Variants in ADAM23 observed in about 807,000 individuals in gnomAD.
ADAM23 encodes ADAM metallopeptidase domain 23, also known as disintegrin and metalloproteinase domain-containing protein 23.
In ADAM23, 33 loss-of-function variants were observed where a neutral mutation model predicts 120.1. That is an observed-to-expected ratio of 0.27 (90% CI 0.21 to 0.37). ADAM23 has a LOEUF of 0.37. ADAM23 is among the 10% of genes least tolerant of loss of function. ADAM23 has a pLI of 1.00. For synonymous variants in ADAM23, 367 were observed against 375.2 expected (o/e 0.98, Z 0.25); for missense variants, 862 against 1,058.2 (o/e 0.81, Z 2.57).
chr2:206,588,574 C>T (rs2105846139), intron 20 of ADAM23, among the ~76,000 whole-genome samples: 1 of 152,220 alleles, frequency 6.6e-6, no homozygotes, highest in Non-Finnish European at 1.5e-5. Flanking sequence ...TAAATTTTGT[C>T]ATTTACTGTC....
chr2:206,471,435 G>A (rs2105868999), intron 2 of ADAM23, among the ~76,000 whole-genome samples: 1 of 152,288 alleles, frequency 6.6e-6, no homozygotes, highest in Non-Finnish European at 1.5e-5. Flanking sequence ...AGAGTAGGCA[G>A]ACTAGGGAAG....
At chr2:206,454,391 TC>T (rs999779872) in intron 2 of ADAM23, among the ~76,000 whole-genome samples, 20 of 152,208 alleles carry the variant, frequency 1.3e-4, no homozygotes, top group African/African-American at 4.8e-4. Flanking sequence ...TCCAGTCACC[TC>T]CCACCAGGTC....
At chr2:206,608,801 A>C (rs1043587266) in intron 24 of ADAM23, among the ~76,000 whole-genome samples, 2 of 152,220 alleles carry the variant, frequency 1.3e-5, no homozygotes, top group African/African-American at 4.8e-5. Context: ...TTATGTACAC[A>C]GTTGAGGGCA....
Position 206,542,140 on chromosome 2 carries a change from T to C in ADAM23, c.656+6T>C. ...TCAACCTGCAATGGACTTCAGTAAG[T>C]GGGAATCTCATTGGCATTTTATTCA... On this transcript the variant is annotated splice_donor_region_variant and intron_variant, in intron 5 of 25. Transcript: ENST00000264377. The C allele has an allele frequency of 6.2e-7, 1 of 1,613,598 alleles. No homozygotes were observed. The highest frequency in any genetic ancestry group is 1.1e-5 in the South Asian group (1 of 91,078).
intron 18 of ADAM23, among the ~76,000 whole-genome samples, chr2:206,577,461 G>T (rs1272529238): frequency 5.2e-5 from 7 of 134,916 alleles, no homozygotes; most frequent in Non-Finnish European, 3.1e-5. Flanking sequence ...CCCTTCCTGT[G>T]TCCATGTGAT....
intron 23 of ADAM23, 103 bp downstream of exon 23, chr2:206,595,008 C>A: frequency 1.4e-6 from 2 of 1,455,568 alleles, no homozygotes; most frequent in Admixed American, 2.0e-5. Context: ...TGGTGAAACA[C>A]CATCTCTACT....
Position 206,543,302 on chromosome 2 carries a change from C to G in ADAM23, c.706C>G (p.Leu236Val). 6.2e-7 allele frequency: 1 copy of G among 1,613,968 alleles called. No individual in the cohort carries two copies. The highest frequency in any genetic ancestry group is 2.2e-5 in the East Asian group (1 of 44,868). The change falls in exon 6 of 26, where the codon CTG (leucine) becomes GTG (valine). Residue 236 changes from leucine to valine, a missense_variant. Transcript: ENST00000264377. ...TFVYMIEPLE[L>V]VHDEKSTGRP... The stretch of plus-strand genomic sequence containing the variant: ...CGTGTATATGATAGAGCCACTAGAG[C>G]TGGTTCATGATGAGGTGAGTCTATG...
At chr2:206,516,018 T>C (rs1208303137) in intron 3 of ADAM23, among the ~76,000 whole-genome samples, 3 of 151,974 alleles carry the variant, frequency 2.0e-5, no homozygotes, top group Non-Finnish European at 2.9e-5. Flanking sequence ...AATTATGAAA[T>C]GTACACATAA....
intron 18 of ADAM23, among the ~76,000 whole-genome samples, chr2:206,576,873 G>C (rs975309581): frequency 6.6e-6 from 1 of 152,128 alleles, no homozygotes; most frequent in Non-Finnish European, 1.5e-5. Flanking sequence ...GCAGAAATAG[G>C]AGAAATGTTT....
chr2:206,597,411 C>T (rs905937687), intron 24 of ADAM23, among the ~76,000 whole-genome samples: 9 of 152,084 alleles, frequency 5.9e-5, no homozygotes, highest in African/African-American at 2.2e-4. Context: ...AACTCATGAC[C>T]TCATAATCCA....
At chr2:206,591,892 C>G (rs1380267719) in intron 21 of ADAM23, among the ~76,000 whole-genome samples, 1 of 152,152 alleles carries the variant, frequency 6.6e-6, no homozygotes, top group Non-Finnish European at 1.5e-5. Context: ...TGCATTTCCC[C>G]AGATTACAAG....
chr2:206,515,958 C>G (rs1376398721), intron 3 of ADAM23, among the ~76,000 whole-genome samples: 1 of 151,920 alleles, frequency 6.6e-6, no homozygotes, highest in Non-Finnish European at 1.5e-5. Flanking sequence ...GGGCTCTTCT[C>G]TTTCTATTAT....
At chr2:206,588,303 T>G (rs574296497) in intron 20 of ADAM23, 149 bp downstream of exon 20, 2 of 877,620 alleles carry the variant, frequency 2.3e-6, no homozygotes, top group Non-Finnish European at 1.7e-6. Context: ...ACTGTGAATC[T>G]TAGTCACAAA....
intron 4 of ADAM23, among the ~76,000 whole-genome samples, chr2:206,541,122 C>T (rs1489661386): frequency 3.3e-5 from 5 of 151,200 alleles, no homozygotes; most frequent in African/African-American, 9.7e-5. Context: ...GCTGAGATCA[C>T]GCCATTGCAC....
At chr2:206,540,921 T>C (rs1559255350) in intron 4 of ADAM23, among the ~76,000 whole-genome samples, 1 of 146,778 alleles carries the variant, frequency 6.8e-6, no homozygotes, top group Non-Finnish European at 1.5e-5. Context: ...AAAATTATTA[T>C]TTTTATTATT....
chr2:206,595,356 C>T (rs1401347562), intron 23 of ADAM23, among the ~76,000 whole-genome samples: 2 of 152,146 alleles, frequency 1.3e-5, no homozygotes, highest in Non-Finnish European at 2.9e-5. Flanking sequence ...TTTATTTCCT[C>T]TAGATTACAG....
intron 24 of ADAM23, among the ~76,000 whole-genome samples, chr2:206,606,336 A>ATAGCTACTAATT (rs1698728092): frequency 6.6e-6 from 1 of 152,206 alleles, no homozygotes; most frequent in Admixed American, 6.5e-5. Context: ...AATAAAAATG[A>ATAGCTACTAATT]TAGCTACTAA....
chr2:206,538,381 G>T (rs749573740), intron 4 of ADAM23, among the ~76,000 whole-genome samples: 5 of 151,982 alleles, frequency 3.3e-5, no homozygotes, highest in Non-Finnish European at 7.4e-5. Context: ...AAATAGTTTA[G>T]CATATCCTAG....
At chr2:206,543,478 A>G (rs1697334049) in intron 6 of ADAM23, among the ~76,000 whole-genome samples, 162 bp downstream of exon 6, 2 of 152,210 alleles carry the variant, frequency 1.3e-5, no homozygotes, top group African/African-American at 2.4e-5. Flanking sequence ...TAAGTTGCAC[A>G]TGCCAGGCCC....
Sources: gnomAD v4.1 joint callset for allele counts (sites outside exome capture counted in the v4.1 genomes callset) on GRCh38, gnomAD v4.1.1 for gene constraint, MANE v1.5 for transcripts, NCBI Gene and HGNC (gene_info 2026-07-23, HGNC 2026-07-21) for gene names.